Variants in GLP1R observed in about 807,000 individuals in gnomAD.
The protein encoded by GLP1R is glucagon-like peptide 1 receptor.
Under a neutral mutation model 68.4 loss-of-function variants are expected in GLP1R, and 32 were observed. The ratio of observed to expected loss-of-function variants is 0.47; its 90% confidence interval spans 0.35 to 0.63. GLP1R has a LOEUF of 0.63. Ranked by LOEUF, GLP1R falls within the 20% of genes least tolerant of loss-of-function variation. The probability of loss-of-function intolerance (pLI) is 0.00; values close to 1 mark genes in which losing one functional copy is unlikely to be tolerated. For missense variants in GLP1R, 502 were observed against 594.9 expected (o/e 0.84, Z 1.62); for synonymous variants, 263 against 244.4 (o/e 1.08, Z -0.71).
At chr6:39,054,605 G>A (rs566884251) in intron 1 of GLP1R, among the ~76,000 whole-genome samples, 22 of 152,278 alleles carry the variant, frequency 1.4e-4, no homozygotes, top group African/African-American at 4.6e-4. Context: ...CCTTCATGGC[G>A]CTGTCGTTAA....
chr6:39,069,560 G>A (rs948014521), intron 5 of GLP1R, among the ~76,000 whole-genome samples: 1 of 115,010 alleles, frequency 8.7e-6, no homozygotes, highest in Non-Finnish European at 2.0e-5. Flanking sequence ...GTGAACCTGG[G>A]AGGCGGAGTG....
intron 8 of GLP1R, 142 bp downstream of exon 8, chr6:39,078,524 A>G: frequency 1.4e-6 from 1 of 697,052 alleles, no homozygotes. Context: ...TAGTTCTCTA[A>G]TCTCCCCTCC....
intron 5 of GLP1R, among the ~76,000 whole-genome samples, chr6:39,066,578 C>T (rs991432262): frequency 2.6e-5 from 4 of 152,198 alleles, no homozygotes; most frequent in Non-Finnish European, 4.4e-5. Context: ...AAACCTTAAC[C>T]GTCGGTGATG....
intron 12 of GLP1R, among the ~76,000 whole-genome samples, chr6:39,081,322 A>G (rs1769007985): frequency 6.6e-6 from 1 of 152,210 alleles, no homozygotes; most frequent in Non-Finnish European, 1.5e-5. Context: ...CAGGATTCAA[A>G]TTAATTCTGC....
rs1485811154 is a variant in GLP1R, at chr6:39,087,539, C to G, written c.*1466C>G. 1 of 152,212 alleles carries G rather than the reference C, an allele frequency of 6.6e-6. No individual in the cohort carries two copies. Among genetic ancestry groups the G allele is most frequent in the Non-Finnish European group, 1.5e-5 (1 of 68,080 alleles). The allele number at this position is 152,212 out of a possible 1,614,324, so 9.4% of individuals were successfully genotyped here. On this transcript the variant is annotated 3_prime_UTR_variant, in exon 13 of 13. Transcript: ENST00000373256. ...AGTTTCTGGAGCAAGAGAGAGCTCG[C>G]TCTTGGGAGTCAGGACCTCCGGGGA...
At chr6:39,053,231 C>T (rs555539189) in intron 1 of GLP1R, among the ~76,000 whole-genome samples, 18 of 152,258 alleles carry the variant, frequency 1.2e-4, no homozygotes, top group Middle Eastern at 3.4e-3. Context: ...ACCCACAGCC[C>T]CACCTTGTCA....
intron 5 of GLP1R, among the ~76,000 whole-genome samples, chr6:39,067,281 T>C (rs1364895874): frequency 2.0e-5 from 3 of 152,232 alleles, no homozygotes; most frequent in Non-Finnish European, 4.4e-5. Context: ...ATTGAACATA[T>C]TTGTCTTAGT....
rs201410487 is a variant in GLP1R, at chr6:39,079,540, C to G, written c.1044-24C>G. 4 of 1,566,652 alleles carry G rather than the reference C, an allele frequency of 2.6e-6. No homozygotes were observed. The East Asian group carries it at 6.8e-5, about 27-fold the overall frequency. On this transcript the variant is annotated intron_variant, in intron 10 of 12. Coordinates refer to ENST00000373256, the MANE Select transcript of GLP1R (RefSeq NM_002062.5). The surrounding 1 kb of genome is among the most constrained non-coding windows in gnomAD (Gnocchi z 4.5). ...TCCATGGGAGAGGTCCAGAATGACTCGAGATCTCTGCCCTGCCCCTCAGAC... is the reference window on the plus strand; with the variant it reads ...TCCATGGGAGAGGTCCAGAATGACTGGAGATCTCTGCCCTGCCCCTCAGAC...
At chr6:39,051,871 G>A (rs919795084) in intron 1 of GLP1R, among the ~76,000 whole-genome samples, 1 of 150,110 alleles carries the variant, frequency 6.7e-6, no homozygotes, top group Non-Finnish European at 1.5e-5. Context: ...TACTGTGTCT[G>A]TGGGAGGGTC....
intron 12 of GLP1R, among the ~76,000 whole-genome samples, chr6:39,085,188 C>T (rs149138332): frequency 1.3e-5 from 2 of 152,290 alleles, no homozygotes; most frequent in Non-Finnish European, 2.9e-5. Context: ...TCTGCCCCAA[C>T]AATCTGGCCC....
At chr6:39,072,532 T>C (rs902805535) in intron 5 of GLP1R, among the ~76,000 whole-genome samples, 1 of 152,370 alleles carries the variant, frequency 6.6e-6, no homozygotes, top group South Asian at 2.1e-4. Flanking sequence ...CAAGAAGCAG[T>C]GTTCCCACTG....
chr6:39,054,008 G>A (rs561105572), intron 1 of GLP1R, among the ~76,000 whole-genome samples: 6 of 151,742 alleles, frequency 4.0e-5, no homozygotes, highest in Admixed American at 2.6e-4. Context: ...TGAAGTGCCC[G>A]CCCTCCTCCT....
Position 39,079,324 on chromosome 6 carries a change from C to G in GLP1R, c.1043+124C>G, listed in dbSNP as rs928515569. Reference sequence around the variant, plus strand: ...CCCTACACTACCCTCTCCTTCCACCCAGGCCTGGCCTTGGACCCCAAACCC... The same window carrying G: ...CCCTACACTACCCTCTCCTTCCACCGAGGCCTGGCCTTGGACCCCAAACCC... On this transcript the variant is annotated intron_variant, in intron 10 of 12. Coordinates refer to ENST00000373256, the MANE Select transcript of GLP1R (RefSeq NM_002062.5). This position sits in a 1 kb window ranked among gnomAD's most constrained non-coding sequence, Gnocchi z 4.5. The G allele has an allele frequency of 3.3e-5, 28 of 853,178 alleles. No homozygotes were observed. The highest frequency in any genetic ancestry group is 5.2e-5 in the Non-Finnish European group (27 of 522,460). 52.9% of individuals were successfully genotyped at this position (853,178 alleles called of 1,614,324 possible).
chr6:39,081,446 CCA>C (rs956447610), intron 12 of GLP1R, among the ~76,000 whole-genome samples: 13 of 152,162 alleles, frequency 8.5e-5, no homozygotes, highest in African/African-American at 3.1e-4. Context: ...CTCGCTGGCC[CCA>C]CACACTCTCC....
At position 39,085,893 on chromosome 6, in the gene GLP1R, T is replaced by C; in HGVS notation, c.1225-13T>C. The stretch of plus-strand genomic sequence containing the variant: ...GCATGATGGCTTTCGTTTCCCTCCT[T>C]TTCCCATGGAAGGTCCAGCTGGAAT... On this transcript the variant is annotated splice_polypyrimidine_tract_variant and intron_variant, in intron 12 of 12. Coordinates refer to ENST00000373256, the MANE Select transcript of GLP1R (RefSeq NM_002062.5). The C allele has an allele frequency of 6.2e-7, 1 of 1,613,692 alleles. No homozygotes were observed. The highest frequency in any genetic ancestry group is 8.5e-7 in the Non-Finnish European group (1 of 1,179,654).
intron 3 of GLP1R, among the ~76,000 whole-genome samples, chr6:39,058,313 G>A (rs181047721): frequency 8.5e-5 from 13 of 152,256 alleles, no homozygotes; most frequent in African/African-American, 3.1e-4. Flanking sequence ...ACTCTTTAGA[G>A]GTTCACTGGG....
chr6:39,077,986 G>A (rs375734610), intron 7 of GLP1R, among the ~76,000 whole-genome samples: 1 of 152,148 alleles, frequency 6.6e-6, no homozygotes, highest in Non-Finnish European at 1.5e-5. Flanking sequence ...TGTCCCCACC[G>A]CATGGCCCAG....
At chr6:39,078,895 A>G in intron 8 of GLP1R, 62 bp from the exon 9 acceptor site, 7 of 1,417,064 alleles carry the variant, frequency 4.9e-6, no homozygotes, top group Admixed American at 1.7e-5. Context: ...CTGTGCCTGC[A>G]CCTGAGCTGG....
chr6:39,069,812 G>A (rs115489625), intron 5 of GLP1R, among the ~76,000 whole-genome samples: 2,388 of 152,030 alleles, frequency 0.016, 26 homozygotes, highest in Non-Finnish European at 0.023. Flanking sequence ...CCCCACTCTC[G>A]GTACCAATTT....
Sources: gnomAD v4.1 joint callset for allele counts (sites outside exome capture counted in the v4.1 genomes callset) on GRCh38, gnomAD v4.1.1 for gene constraint, Gnocchi (gnomAD v3.1) non-coding constraint, MANE v1.5 for transcripts, NCBI Gene and HGNC (gene_info 2026-07-23, HGNC 2026-07-21) for gene names.